Variants in JAZF1 observed in about 807,000 individuals in gnomAD.
JAZF1 encodes JAZF zinc finger 1, also known as juxtaposed with another zinc finger protein 1.
Under a neutral mutation model 26.4 loss-of-function variants are expected in JAZF1, and 8 were observed. That is an observed-to-expected ratio of 0.30 (90% CI 0.18 to 0.55). The LOEUF is 0.55. Among genes scored for constraint, JAZF1 ranks in the 20% least tolerant of loss-of-function variants. The pLI is 0.94. For missense variants in JAZF1, 199 were observed against 322.0 expected (o/e 0.62, Z 2.92); for synonymous variants, 126 against 122.3 (o/e 1.03, Z -0.20).
chr7:28,159,922 A>G (rs945143095), intron 1 of JAZF1, among the ~76,000 whole-genome samples: 2 of 152,220 alleles, frequency 1.3e-5, no homozygotes, highest in African/African-American at 4.8e-5. Flanking sequence ...ATTACGAAAT[A>G]AAGTGCTTTG....
chr7:28,007,490 A>G (rs1439608818), intron 1 of JAZF1, among the ~76,000 whole-genome samples: 4 of 151,764 alleles, frequency 2.6e-5, no homozygotes, highest in African/African-American at 9.7e-5. Flanking sequence ...AATCACTGGA[A>G]CCCGGGAGGC....
chr7:28,060,062 T>G (rs1783773796), intron 1 of JAZF1, among the ~76,000 whole-genome samples: 1 of 152,206 alleles, frequency 6.6e-6, no homozygotes, highest in Non-Finnish European at 1.5e-5. Context: ...TCTAAATATT[T>G]TATTCAATTT....
At chr7:28,172,305 T>C (rs1783482254) in intron 1 of JAZF1, among the ~76,000 whole-genome samples, 2 of 152,246 alleles carry the variant, frequency 1.3e-5, no homozygotes, top group South Asian at 4.1e-4. Context: ...TATACATTTT[T>C]AGGATTGTTG....
At chr7:27,975,143 C>A (rs1214433888) in intron 2 of JAZF1, among the ~76,000 whole-genome samples, 2 of 152,044 alleles carry the variant, frequency 1.3e-5, no homozygotes, top group African/African-American at 4.8e-5. Context: ...CCTCGGCCTC[C>A]CAAAGTGCTG....
At chr7:28,113,342 C>T (rs1444203079) in intron 1 of JAZF1, among the ~76,000 whole-genome samples, 5 of 152,124 alleles carry the variant, frequency 3.3e-5, no homozygotes, top group Admixed American at 6.5e-5. Context: ...CCACGTGTCC[C>T]GACTCCTTTA....
intron 1 of JAZF1, 83 bp from the exon 2 acceptor site, chr7:27,992,064 A>G (rs763132569): frequency 3.6e-6 from 3 of 838,114 alleles, no homozygotes; most frequent in Admixed American, 3.5e-5. Flanking sequence ...AACAGAGGCT[A>G]AGCAGAGAAA....
At chr7:28,076,611 C>T (rs538015371) in intron 1 of JAZF1, among the ~76,000 whole-genome samples, 6 of 149,552 alleles carry the variant, frequency 4.0e-5, no homozygotes, top group East Asian at 3.9e-4. Flanking sequence ...AACATGAGAA[C>T]GAAAGAAAAT....
chr7:27,875,887 T>C (rs1485315526), intron 3 of JAZF1, among the ~76,000 whole-genome samples: 2 of 152,252 alleles, frequency 1.3e-5, no homozygotes, highest in African/African-American at 2.4e-5. Context: ...ATGAATGTTA[T>C]GGAAGGACAC....
At chr7:28,032,025 C>G (rs915767856) in intron 1 of JAZF1, among the ~76,000 whole-genome samples, 7 of 152,166 alleles carry the variant, frequency 4.6e-5, no homozygotes, top group Non-Finnish European at 2.9e-5. Flanking sequence ...CTTTGCTTTT[C>G]CAAGACACTT....
At chr7:28,112,668 A>G (rs1039242193) in intron 1 of JAZF1, among the ~76,000 whole-genome samples, 2 of 152,210 alleles carry the variant, frequency 1.3e-5, no homozygotes, top group Non-Finnish European at 2.9e-5. Flanking sequence ...TAAGGCATAC[A>G]AAGTACTGTG....
intron 3 of JAZF1, among the ~76,000 whole-genome samples, chr7:27,870,589 C>T (rs1207096613): frequency 6.6e-6 from 1 of 152,142 alleles, no homozygotes; most frequent in Non-Finnish European, 1.5e-5. Context: ...TGCCAACCTC[C>T]CCTCTTACAG....
At chr7:28,081,480 A>T (rs1278031197) in intron 1 of JAZF1, among the ~76,000 whole-genome samples, 1 of 152,196 alleles carries the variant, frequency 6.6e-6, no homozygotes, top group Non-Finnish European at 1.5e-5. Context: ...AAGCTGCGCC[A>T]TTCCCCCAGC....
At position 27,831,189 on chromosome 7, in the gene JAZF1, C is replaced by G. The variant is rs1324436124; in HGVS notation, c.*1611G>C. 9.0e-6 allele frequency: 2 copies of G among 223,188 alleles called. No individual in the cohort carries two copies. The highest frequency in any genetic ancestry group is 1.3e-4 in the East Asian group (2 of 15,328). 13.8% of individuals were successfully genotyped at this position (223,188 alleles called of 1,614,324 possible). A position where few individuals can be genotyped will look rare whatever the true frequency, so the allele number is the denominator to read the frequency against. On this transcript the variant is annotated 3_prime_UTR_variant, in exon 5 of 5. Coordinates refer to ENST00000283928, the MANE Select transcript of JAZF1 (RefSeq NM_175061.4). ...GTGTTTTTATAAATACTTTGAATCC[C>G]TCATAATGAAGGATTTTAGAACTTA... is the stretch of plus-strand genomic sequence containing the variant.
chr7:27,914,023 T>C (rs1434724093), intron 2 of JAZF1, among the ~76,000 whole-genome samples: 1 of 152,084 alleles, frequency 6.6e-6, no homozygotes, highest in Non-Finnish European at 1.5e-5. Flanking sequence ...TAAAGCACAG[T>C]AAAATCGAAT....
intron 1 of JAZF1, among the ~76,000 whole-genome samples, chr7:28,150,012 CA>C (rs1783086320): frequency 1.3e-5 from 2 of 152,200 alleles, no homozygotes; most frequent in Non-Finnish European, 2.9e-5. Flanking sequence ...AGCACCCTGA[CA>C]AACATTACCT....
At position 28,180,535 on chromosome 7, in the gene JAZF1, G is replaced by C. The variant is rs1291583859; in HGVS notation, c.43C>G (p.Arg15Gly). 6.2e-7 allele frequency: 1 copy of C among 1,610,608 alleles called. No homozygotes were observed. The highest frequency in any genetic ancestry group is 1.1e-5 in the South Asian group (1 of 90,866). The change falls in exon 1 of 5, where the codon CGA becomes GGA. Residue 15 changes from arginine (R) to glycine (G), a missense_variant. Arg to Gly is a moderately radical substitution (Grantham distance 125). Coordinates refer to ENST00000283928, the MANE Select transcript of JAZF1 (RefSeq NM_175061.4). ...AAGTGGAGTCCGCAGCCCCCGAATC[G>C]GCAGGTATTGGAGAAGAAGGAGGCG... ...AAASFFSNTC[R>G]FGGCGLHFPT...
intron 3 of JAZF1, among the ~76,000 whole-genome samples, chr7:27,845,695 T>TC (rs1337021672): frequency 2.2e-5 from 1 of 44,658 alleles, no homozygotes; most frequent in Non-Finnish European, 3.9e-5. Context: ...AGACTCTGCC[T>TC]CAAAAAAAAA....
chr7:28,178,534 T>G (rs1783581720), intron 1 of JAZF1, among the ~76,000 whole-genome samples: 1 of 152,180 alleles, frequency 6.6e-6, no homozygotes, highest in African/African-American at 2.4e-5. Context: ...TCATACATAT[T>G]AATGTATAGC....
At chr7:28,097,043 A>G (rs1237819083) in intron 1 of JAZF1, among the ~76,000 whole-genome samples, 2 of 152,208 alleles carry the variant, frequency 1.3e-5, no homozygotes, top group African/African-American at 2.4e-5. Context: ...CACACCTGCT[A>G]ACCTAATATA....
Sources: gnomAD v4.1 joint callset for allele counts (sites outside exome capture counted in the v4.1 genomes callset) on GRCh38, gnomAD v4.1.1 for gene constraint, MANE v1.5 for transcripts, NCBI Gene and HGNC (gene_info 2026-07-23, HGNC 2026-07-21) for gene names.